The following LRRIQ3 variants were observed in gnomAD, a reference collection of about 807,000 sequenced individuals.
LRRIQ3 encodes the protein leucine rich repeats and IQ motif containing 3.
Under a neutral mutation model 59.3 loss-of-function variants are expected in LRRIQ3, and 75 were observed. That is an observed-to-expected ratio of 1.26 (90% CI 1.05 to 1.53). The LOEUF (loss-of-function observed/expected upper bound fraction) is 1.53. Ranked by LOEUF, LRRIQ3 falls within the 40% of genes most tolerant of loss-of-function variation. The pLI is 0.00. For missense variants in LRRIQ3, 831 were observed against 710.0 expected, an observed-to-expected ratio of 1.17 and a Z score of -1.94; for synonymous variants, 250 against 231.3, an observed-to-expected ratio of 1.08 and a Z score of -0.73.
chr1:74,137,834 A>C (rs370976954), intron 4 of LRRIQ3, among the ~76,000 whole-genome samples: 2 of 151,946 alleles, frequency 1.3e-5, no homozygotes, highest in East Asian at 1.9e-4. Flanking sequence ...TCAGGAAACT[A>C]ACACAAGAGC....
chr1:74,108,298 A>C (rs1280620454), intron 5 of LRRIQ3, among the ~76,000 whole-genome samples: 1 of 151,848 alleles, frequency 6.6e-6, no homozygotes, highest in African/African-American at 2.4e-5. Flanking sequence ...TTCTACACAG[A>C]GGGTCAAAAC....
chr1:74,164,247 C>T (rs1029664495), intron 3 of LRRIQ3, among the ~76,000 whole-genome samples: 6 of 151,344 alleles, frequency 4.0e-5, no homozygotes, highest in African/African-American at 7.3e-5. Context: ...AATTACTAAC[C>T]CCCAATAACT....
intron 4 of LRRIQ3, among the ~76,000 whole-genome samples, chr1:74,124,020 C>T (rs1366688206): frequency 1.3e-5 from 2 of 151,764 alleles, no homozygotes; most frequent in African/African-American, 4.8e-5. Flanking sequence ...ATATCTGTGC[C>T]AGCATTTGTT....
intron 4 of LRRIQ3, among the ~76,000 whole-genome samples, chr1:74,152,290 A>G (rs1395831454): frequency 6.6e-6 from 1 of 152,054 alleles, no homozygotes; most frequent in Non-Finnish European, 1.5e-5. Context: ...ATAGACTAAA[A>G]TAAGGAATAT....
At chr1:74,103,090 C>T (rs1429361234) in intron 5 of LRRIQ3, among the ~76,000 whole-genome samples, 1 of 151,094 alleles carries the variant, frequency 6.6e-6, no homozygotes, top group Non-Finnish European at 1.5e-5. Context: ...CTAAAAACCA[C>T]TACTTCTCAG....
Position 74,084,808 on chromosome 1 carries a change from T to A in LRRIQ3, c.868-10018A>T, listed in dbSNP as rs934864267. ...AATTTTCTTTAATAACCCTTAAGAATCTACTATTCATTAATTTATCTATGT... is the reference window on the plus strand; with the variant it reads ...AATTTTCTTTAATAACCCTTAAGAAACTACTATTCATTAATTTATCTATGT... On this transcript the variant is annotated intron_variant, in intron 5 of 7. Transcript: ENST00000354431. Among the ~76,000 whole-genome samples, 15 of 151,892 alleles carry A rather than the reference T, an allele frequency of 9.9e-5. 1 individual carries two copies. The South Asian group carries it at 1.5e-3, about 15-fold the overall frequency.
chr1:74,119,405 G>A (rs1032005116), intron 4 of LRRIQ3, among the ~76,000 whole-genome samples: 1 of 151,472 alleles, frequency 6.6e-6, no homozygotes, highest in South Asian at 2.1e-4. Flanking sequence ...TTCTTTGCTC[G>A]ACTACTTTAT....
At position 74,187,357 on chromosome 1, in the gene LRRIQ3, C is replaced by T. The variant is rs879650621; in HGVS notation, c.1-3673G>A. ...ATATATATATAGGTATATGTTTACA[C>T]ACACACACACACACACACACACACA... On this transcript the variant is annotated intron_variant, in intron 1 of 7. Transcript: ENST00000354431. Among the ~76,000 whole-genome samples the T allele has an allele frequency of 2.6e-3, 378 of 144,020 alleles. 2 individuals carry two copies. The highest frequency in any genetic ancestry group is 5.8e-3 in the African/African-American group (234 of 40,450). 94.5% of individuals were successfully genotyped at this position (144,020 alleles called of 152,430 possible). A position where few individuals can be genotyped will look rare whatever the true frequency, so the allele number is the denominator to read the frequency against.
At chr1:74,193,669 T>C (rs1385824839) in intron 1 of LRRIQ3, among the ~76,000 whole-genome samples, 2 of 152,138 alleles carry the variant, frequency 1.3e-5, no homozygotes, top group Non-Finnish European at 2.9e-5. Context: ...TTAACACTTA[T>C]TCACTGAAGC....
Position 74,183,485 on chromosome 1 carries a change from G to A in LRRIQ3, c.200C>T (p.Pro67Leu). ...FSNNFITDIHPLQSCIKLIKL... is the reference protein window; with the variant it reads ...FSNNFITDIHLLQSCIKLIKL... ...GATTAATTTTATACAACTTTGAAGT[G>A]GATGAATATCTGTAATAAAATTGTT... Residue 67 changes from proline (P) to leucine (L), a missense_variant, in exon 2 of 8, where the codon CCA (proline) becomes CTA (leucine). Coordinates refer to ENST00000354431, the MANE Select transcript of LRRIQ3 (RefSeq NM_001105659.2). The A allele has an allele frequency of 1.2e-6, 2 of 1,608,378 alleles. No individual in the cohort carries two copies. The highest frequency in any genetic ancestry group is 1.3e-5 in the African/African-American group (1 of 74,746).
In LRRIQ3 at chr1:74,149,156, G is replaced by A. The variant is rs1412561179; in HGVS notation, c.707+6577C>T. 3.3e-5 allele frequency among the ~76,000 whole-genome samples: 5 copies of A among 151,874 alleles called. No homozygotes were observed. In the East Asian group the frequency reaches 7.7e-4, roughly 23 times the overall value. On this transcript the variant is annotated intron_variant, in intron 4 of 7. Transcript: ENST00000354431. ...GACCTGAAATTTTCTTTCTTGTAAC[G>A]TCTTTGTAAGATTTTGATATTAAGG...
At chr1:74,179,453 T>A (rs1649846728) in intron 3 of LRRIQ3, among the ~76,000 whole-genome samples, 1 of 152,022 alleles carries the variant, frequency 6.6e-6, no homozygotes, top group Admixed American at 6.6e-5. Context: ...TCTCCTTGAA[T>A]GTAGAATACC....
At chr1:74,079,647 C>CTTTTT (rs1438636649) in intron 5 of LRRIQ3, among the ~76,000 whole-genome samples, 1 of 151,498 alleles carries the variant, frequency 6.6e-6, no homozygotes, top group South Asian at 2.1e-4. Context: ...CTTTTCTTTT[C>CTTTTT]TTTTTTACTC....
In LRRIQ3 at chr1:74,028,192, A is replaced by G. The variant is rs115499280; in HGVS notation, c.1719-1223T>C. 4.6e-3 allele frequency among the ~76,000 whole-genome samples: 698 copies of G among 152,184 alleles called. 2 individuals carry two copies. The highest frequency in any genetic ancestry group is 0.013 in the Admixed American group (196 of 15,226). On this transcript the variant is annotated intron_variant, in intron 7 of 7. Coordinates refer to ENST00000354431, the MANE Select transcript of LRRIQ3 (RefSeq NM_001105659.2). ...AGAACAAGGCAGCAGGCAAGGCTGG[A>G]GAAACAAATTTAGGCCAGATCATAA...
At chr1:74,122,492 T>A (rs1044986289) in intron 4 of LRRIQ3, among the ~76,000 whole-genome samples, 1 of 151,948 alleles carries the variant, frequency 6.6e-6, no homozygotes, top group East Asian at 1.9e-4. Context: ...TATAGACCAA[T>A]GGAACAGAAC....
intron 6 of LRRIQ3, among the ~76,000 whole-genome samples, chr1:74,069,863 G>A (rs1048626200): frequency 1.3e-5 from 2 of 151,512 alleles, no homozygotes; most frequent in African/African-American, 4.8e-5. Context: ...GCCTAGGGCT[G>A]ATAAAAATAT....
Position 74,125,623 on chromosome 1 carries a change from C to T in LRRIQ3, c.708-16070G>A, listed in dbSNP as rs982150215. Among the ~76,000 whole-genome samples the T allele has an allele frequency of 2.0e-5, 3 of 151,678 alleles. No homozygotes were observed. In the East Asian group the frequency reaches 5.8e-4, roughly 29 times the overall value. On this transcript the variant is annotated intron_variant, in intron 4 of 7. Transcript: ENST00000354431. ...ATTAAAATAATTATATAATTTTTGT[C>T]CTTCAATTCTGTTAATATAATGCAC...
chr1:74,066,462 C>A (rs112226248), intron 6 of LRRIQ3, among the ~76,000 whole-genome samples: 9 of 151,898 alleles, frequency 5.9e-5, no homozygotes, highest in African/African-American at 2.2e-4. Flanking sequence ...TTGGTATAAC[C>A]ACAGCTACTT....
chr1:74,183,244 T>A, intron 2 of LRRIQ3, 192 bp downstream of exon 2: 1 of 425,714 alleles, frequency 2.3e-6, no homozygotes, highest in South Asian at 5.0e-5. Context: ...ACACACTATT[T>A]ATGTATTTTC....
Sources: gnomAD v4.1 joint callset for allele counts (sites outside exome capture counted in the v4.1 genomes callset) on GRCh38, gnomAD v4.1.1 for gene constraint, MANE v1.5 for transcripts, NCBI Gene and HGNC (gene_info 2026-07-23, HGNC 2026-07-21) for gene names.